The following OSBPL10 variants were observed in gnomAD, a reference collection of about 807,000 sequenced individuals.
OSBPL10 encodes oxysterol-binding protein-related protein 10.
Under a neutral mutation model 81.7 loss-of-function variants are expected in OSBPL10, and 49 were observed. The ratio of observed to expected loss-of-function variants is 0.60; its 90% CI spans 0.48 to 0.76. The LOEUF is 0.76. Ranked by LOEUF, OSBPL10 falls within the 30% of genes least tolerant of loss-of-function variation. OSBPL10 has a pLI of 0.00. For missense variants in OSBPL10, 923 were observed against 987.8 expected, an observed-to-expected ratio of 0.93 and a Z score of 0.88; for synonymous variants, 419 against 383.6, an observed-to-expected ratio of 1.09 and a Z score of -1.08.
chr3:31,955,664 C>T (rs1697987544), intron 1 of OSBPL10, among the ~76,000 whole-genome samples: 1 of 152,228 alleles, frequency 6.6e-6, no homozygotes, highest in South Asian at 2.1e-4. Flanking sequence ...AGGGATTTAG[C>T]CATCATCTCC....
chr3:31,819,289 G>A (rs2125502023), intron 4 of OSBPL10, among the ~76,000 whole-genome samples: 1 of 152,350 alleles, frequency 6.6e-6, no homozygotes, highest in East Asian at 1.9e-4. Context: ...ACCTCAGTTT[G>A]ACACATCTGG....
At chr3:31,952,024 T>C (rs1165090801) in intron 1 of OSBPL10, among the ~76,000 whole-genome samples, 2 of 152,218 alleles carry the variant, frequency 1.3e-5, no homozygotes, top group South Asian at 2.1e-4. Flanking sequence ...TGGTGGGAAA[T>C]GAGTATTGTT....
intron 1 of OSBPL10, among the ~76,000 whole-genome samples, chr3:31,923,728 A>C (rs1157079278): frequency 6.6e-6 from 1 of 152,178 alleles, no homozygotes; most frequent in African/African-American, 2.4e-5. Flanking sequence ...TTGAGACTAC[A>C]GTGAGTTATG....
intron 1 of OSBPL10, among the ~76,000 whole-genome samples, chr3:31,942,528 C>T (rs1055625867): frequency 4.7e-5 from 5 of 105,838 alleles, no homozygotes; most frequent in African/African-American, 2.0e-4. Context: ...GGGTGAGACT[C>T]CATCTCAAAA....
intron 11 of OSBPL10, chr3:31,662,719 G>C: frequency 3.0e-6 from 3 of 985,358 alleles, no homozygotes; most frequent in Non-Finnish European, 3.6e-6. Flanking sequence ...TTCTGTTATG[G>C]GCATACTGGC....
intron 4 of OSBPL10, among the ~76,000 whole-genome samples, chr3:31,799,976 G>C (rs1699338781): frequency 6.6e-6 from 1 of 152,190 alleles, no homozygotes; most frequent in Non-Finnish European, 1.5e-5. Flanking sequence ...CCAGAGTGCT[G>C]GGATTACAGG....
At chr3:31,941,236 T>C (rs1478136654) in intron 1 of OSBPL10, among the ~76,000 whole-genome samples, 1 of 152,204 alleles carries the variant, frequency 6.6e-6, no homozygotes, top group Non-Finnish European at 1.5e-5. Flanking sequence ...GGAGACTGTA[T>C]TATATCAAGA....
intron 2 of OSBPL10, among the ~76,000 whole-genome samples, chr3:32,015,571 A>G: frequency 6.6e-6 from 1 of 152,214 alleles, no homozygotes; most frequent in African/African-American, 2.4e-5. Context: ...CACCAAAAGC[A>G]ATGGCAACAA....
intron 2 of OSBPL10, among the ~76,000 whole-genome samples, chr3:32,011,143 C>T (rs1699252055): frequency 6.6e-6 from 1 of 152,338 alleles, no homozygotes; most frequent in Non-Finnish European, 1.5e-5. Flanking sequence ...AGACTGCCTC[C>T]TCAAGTGGGT....
At chr3:31,862,710 C>T (rs1265559607) in intron 3 of OSBPL10, among the ~76,000 whole-genome samples, 1 of 151,976 alleles carries the variant, frequency 6.6e-6, no homozygotes, top group Non-Finnish European at 1.5e-5. Flanking sequence ...TAGGGAAATG[C>T]AAATCAAAAT....
At chr3:31,704,384 G>A (rs901105350) in intron 6 of OSBPL10, 2 of 152,256 alleles carry the variant, frequency 1.3e-5, no homozygotes, top group Admixed American at 6.5e-5. Flanking sequence ...GACCCGGTGG[G>A]CAGTAATCTG....
intron 1 of OSBPL10, among the ~76,000 whole-genome samples, chr3:31,965,253 C>T (rs1389332482): frequency 6.7e-6 from 1 of 150,018 alleles, no homozygotes; most frequent in Non-Finnish European, 1.5e-5. Context: ...ACCTGTAGTC[C>T]CAGCTACTCG....
chr3:31,982,349 ACTCTCT>A (rs538597546), upstream of OSBPL10, among the ~76,000 whole-genome samples: 349 of 152,104 alleles, frequency 2.3e-3, 1 homozygote, highest in Non-Finnish European at 3.9e-3. Flanking sequence ...AGGAACTCAG[ACTCTCT>A]CTCTCACACA....
At position 31,662,040 on chromosome 3, in the gene OSBPL10, G is replaced by C; in HGVS notation, c.*32C>G. 6.2e-7 allele frequency: 1 copy of C among 1,611,844 alleles called. No individual in the cohort carries two copies. Among genetic ancestry groups the C allele is most frequent in the South Asian group, 1.1e-5 (1 of 90,492 alleles). On this transcript the variant is annotated 3_prime_UTR_variant, in exon 12 of 12. Transcript: ENST00000396556. Reference sequence around the variant, plus strand: ...ACTTTAATATTCCTACAAAAACAGGGCTATACTGGAAAGCTCTGCACCTCC... The same window carrying C: ...ACTTTAATATTCCTACAAAAACAGGCCTATACTGGAAAGCTCTGCACCTCC...
intron 4 of OSBPL10, among the ~76,000 whole-genome samples, chr3:31,801,265 G>T (rs1277289886): frequency 6.6e-6 from 1 of 152,146 alleles, no homozygotes; most frequent in African/African-American, 2.4e-5. Flanking sequence ...ACATACTATT[G>T]TGGTCCCCAA....
intron 3 of OSBPL10, among the ~76,000 whole-genome samples, chr3:31,848,597 T>C (rs1700690861): frequency 6.6e-6 from 1 of 152,148 alleles, no homozygotes; most frequent in African/African-American, 2.4e-5. Context: ...AACCTTTTAA[T>C]TGCATTTCTG....
chr3:31,753,219 T>C (rs556711101), intron 4 of OSBPL10, among the ~76,000 whole-genome samples: 1 of 151,178 alleles, frequency 6.6e-6, no homozygotes, highest in Admixed American at 6.6e-5. Context: ...AGAGTTTCAA[T>C]CTTTATTGAC....
intron 4 of OSBPL10, among the ~76,000 whole-genome samples, chr3:31,821,728 T>C (rs1699985815): frequency 6.6e-6 from 1 of 152,208 alleles, no homozygotes; most frequent in African/African-American, 2.4e-5. Context: ...TAAAAACTAA[T>C]CACTCTGTTC....
intron 4 of OSBPL10, among the ~76,000 whole-genome samples, chr3:31,828,143 T>C (rs1486416756): frequency 6.6e-6 from 1 of 152,230 alleles, no homozygotes; most frequent in Non-Finnish European, 1.5e-5. Context: ...TCAAATTACT[T>C]ATAAACTAAT....
Sources: gnomAD v4.1 joint callset for allele counts (sites outside exome capture counted in the v4.1 genomes callset) on GRCh38, gnomAD v4.1.1 for gene constraint, MANE v1.5 for transcripts, NCBI Gene and HGNC (gene_info 2026-07-23, HGNC 2026-07-21) for gene names.